Variants in TMC1 observed in about 807,000 individuals in gnomAD.
TMC1 encodes the protein transmembrane channel-like protein 1.
In TMC1, 84 loss-of-function variants were observed where a neutral mutation model predicts 105.8. The ratio of observed to expected loss-of-function variants is 0.79; its 90% CI spans 0.67 to 0.95. The LOEUF is 0.95. Among genes scored for constraint, TMC1 ranks in the 40% least tolerant of loss-of-function variants. The pLI is 0.00. For missense variants in TMC1, 817 were observed against 914.1 expected (o/e 0.89, Z 1.37); for synonymous variants, 315 against 311.5 (o/e 1.01, Z -0.12).
intron 3 of TMC1, among the ~76,000 whole-genome samples, chr9:72,624,411 A>G (rs1211899184): frequency 6.6e-6 from 1 of 151,900 alleles, no homozygotes; most frequent in South Asian, 2.1e-4. Context: ...TTTTCCCCAC[A>G]CCTTTTCTCT....
At chr9:72,807,054 G>C (rs1008558167) in intron 18 of TMC1, among the ~76,000 whole-genome samples, 2 of 152,234 alleles carry the variant, frequency 1.3e-5, no homozygotes, top group Admixed American at 6.5e-5. Flanking sequence ...TTGCGGTTTG[G>C]GGCTGGAGAC....
chr9:72,644,712 T>C (rs1364475036), intron 4 of TMC1, among the ~76,000 whole-genome samples: 3 of 152,216 alleles, frequency 2.0e-5, no homozygotes, highest in Admixed American at 6.5e-5. Context: ...TTTTCAAGGT[T>C]GCATTTTCCT....
rs577537542 is a variant in TMC1 at position 72,623,197 on chromosome 9, G to A, written c.-195-4724G>A. On this transcript the variant is annotated intron_variant, in intron 3 of 23. Transcript: ENST00000297784. ...TTTTTGTCTCATCTTTGCTGTAATT[G>A]CTCATTTGCTAGGGTCATTGGACAC... 2.9e-3 allele frequency among the ~76,000 whole-genome samples: 218 copies of A among 74,076 alleles called. 1 individual carries two copies. Among genetic ancestry groups the A allele is most frequent in the Middle Eastern group, 0.017 (1 of 60 alleles). 48.6% of individuals were successfully genotyped at this position (74,076 alleles called of 152,430 possible).
chr9:72,826,668 A>C (rs557253497), intron 20 of TMC1, among the ~76,000 whole-genome samples: 1 of 152,302 alleles, frequency 6.6e-6, no homozygotes, highest in South Asian at 2.1e-4. Flanking sequence ...ATATGTTTAT[A>C]CTGGGATCAT....
chr9:72,625,032 A>G (rs1393141819), intron 3 of TMC1, among the ~76,000 whole-genome samples: 2 of 152,186 alleles, frequency 1.3e-5, no homozygotes, highest in Non-Finnish European at 2.9e-5. Flanking sequence ...TGGTTTTAAA[A>G]CATGTCTGAA....
rs1037235315 is a variant in TMC1, at chr9:72,768,332, G to A, written c.742-4081G>A. ...ACACTGGGGCCTGTTGGGGGGTTGG[G>A]GGCTAGGGGAGGGATAGCATTAGAA... On this transcript the variant is annotated intron_variant, in intron 12 of 23. Coordinates refer to ENST00000297784, the MANE Select transcript of TMC1 (RefSeq NM_138691.3). Among the ~76,000 whole-genome samples the A allele has an allele frequency of 2.0e-4, 30 of 152,030 alleles. 1 individual carries two copies. The highest frequency in any genetic ancestry group is 1.9e-3 in the Admixed American group (29 of 15,262).
At chr9:72,611,345 A>C (rs1225348646) in intron 2 of TMC1, among the ~76,000 whole-genome samples, 3 of 152,236 alleles carry the variant, frequency 2.0e-5, no homozygotes, top group African/African-American at 7.2e-5. Flanking sequence ...GTAAATCAAG[A>C]GGCAAGAAAT....
chr9:72,808,452 A>C (rs1431533786), intron 18 of TMC1, among the ~76,000 whole-genome samples: 4 of 152,180 alleles, frequency 2.6e-5, no homozygotes, highest in African/African-American at 7.2e-5. Context: ...TTATATCAAC[A>C]CACTGTTCTG....
intron 8 of TMC1, among the ~76,000 whole-genome samples, chr9:72,738,118 G>GGTC (rs10679468): frequency 0.26 from 38,976 of 151,942 alleles, 5,363 homozygotes; most frequent in East Asian, 0.38. Flanking sequence ...CACTCCCTGT[G>GGTC]GTCAATGCAA....
chr9:72,806,225 G>A (rs1264508496), intron 18 of TMC1, among the ~76,000 whole-genome samples: 1 of 129,470 alleles, frequency 7.7e-6, no homozygotes, highest in African/African-American at 2.6e-5. Flanking sequence ...GCAGGGGGCT[G>A]ACCACCCCAC....
intron 5 of TMC1, among the ~76,000 whole-genome samples, chr9:72,676,397 A>C (rs1454329126): frequency 6.6e-6 from 1 of 152,190 alleles, no homozygotes; most frequent in African/African-American, 2.4e-5. Context: ...GGTATGTGTC[A>C]AAGCATTTGA....
intron 5 of TMC1, 32 bp from the exon 6 acceptor site, chr9:72,688,677 A>G: frequency 5.1e-6 from 8 of 1,579,074 alleles, no homozygotes; most frequent in Non-Finnish European, 7.0e-6. Context: ...AGGCATTTAA[A>G]TAATTGCTGT....
intron 1 of TMC1, among the ~76,000 whole-genome samples, chr9:72,565,602 G>A (rs1824136997): frequency 1.3e-5 from 2 of 152,120 alleles, no homozygotes; most frequent in Admixed American, 6.6e-5. Context: ...CTTTGTGTGT[G>A]TTTTAGTCCA....
At chr9:72,768,878 G>A (rs1054579627) in intron 12 of TMC1, among the ~76,000 whole-genome samples, 1 of 152,144 alleles carries the variant, frequency 6.6e-6, no homozygotes, top group African/African-American at 2.4e-5. Context: ...CAGGTGGGGG[G>A]TGACCCCCTC....
At chr9:72,719,779 G>A (rs1158378265) in intron 8 of TMC1, among the ~76,000 whole-genome samples, 1 of 152,128 alleles carries the variant, frequency 6.6e-6, no homozygotes, top group African/African-American at 2.4e-5. Flanking sequence ...CAAAGCACAG[G>A]CCTTCAGTTC....
At chr9:72,829,500 C>G (rs1417099863) in intron 21 of TMC1, among the ~76,000 whole-genome samples, 1 of 152,176 alleles carries the variant, frequency 6.6e-6, no homozygotes, top group Non-Finnish European at 1.5e-5. Context: ...ACACACCACA[C>G]ACAAACACAC....
chr9:72,665,073 C>T (rs1442508547), intron 5 of TMC1, among the ~76,000 whole-genome samples: 1 of 152,192 alleles, frequency 6.6e-6, no homozygotes, highest in Non-Finnish European at 1.5e-5. Context: ...CACATGTCTG[C>T]AAGGGGTATC....
At chr9:72,706,880 T>G (rs902974996) in intron 8 of TMC1, among the ~76,000 whole-genome samples, 89 of 152,088 alleles carry the variant, frequency 5.9e-4, no homozygotes, top group African/African-American at 2.1e-3. Flanking sequence ...GTTCAAGCGA[T>G]TTTCCTGCCT....
chr9:72,611,365 G>A (rs771779447), intron 2 of TMC1, among the ~76,000 whole-genome samples: 4 of 152,312 alleles, frequency 2.6e-5, no homozygotes, highest in African/African-American at 7.2e-5. Flanking sequence ...TGATGGAAAG[G>A]TATTTTGCTA....
Sources: gnomAD v4.1 joint callset for allele counts (sites outside exome capture counted in the v4.1 genomes callset) on GRCh38, gnomAD v4.1.1 for gene constraint, MANE v1.5 for transcripts, NCBI Gene and HGNC (gene_info 2026-07-23, HGNC 2026-07-21) for gene names.